C16orf96: variants seen among roughly 807,000 people sequenced by gnomAD.
The protein encoded by C16orf96 is uncharacterized protein C16orf96.
In C16orf96, 108 loss-of-function variants were observed where a neutral mutation model predicts 103.6. That is an observed-to-expected ratio of 1.04 (90% CI 0.89 to 1.22). C16orf96 has a LOEUF of 1.22. Among genes scored for constraint, C16orf96 ranks in the 50% most tolerant of loss-of-function variants. C16orf96 has a pLI of 0.00. For synonymous variants in C16orf96, 566 were observed against 593.5 expected, an observed-to-expected ratio of 0.95 and a Z score of 0.67; for missense variants, 1,586 against 1,464.2, an observed-to-expected ratio of 1.08 and a Z score of -1.36.
At chr16:4,600,029 G>A (rs1897250371) in intron 15 of C16orf96, 71 bp from the exon 16 acceptor site, 1 of 1,361,540 alleles carries the variant, frequency 7.3e-7, no homozygotes, top group Non-Finnish European at 1.0e-6. Flanking sequence ...TAGTGGGGAT[G>A]GCCCCATCAG....
At chr16:4,551,149 A>G in the C16orf96 span, among the ~76,000 whole-genome samples, 11 of 152,136 alleles carry the variant, frequency 7.2e-5, no homozygotes, top group Non-Finnish European at 1.5e-4. Context: ...TTGCACACCT[A>G]TGGTTTTAGC....
chr16:4,565,509 C>T (rs2059377807), intron 1 of C16orf96, among the ~76,000 whole-genome samples: 1 of 152,138 alleles, frequency 6.6e-6, no homozygotes, highest in South Asian at 2.1e-4. Flanking sequence ...ACGCAAGATG[C>T]AGGGAGTCTG....
At chr16:4,549,063 A>G in the C16orf96 span, among the ~76,000 whole-genome samples, 1 of 152,084 alleles carries the variant, frequency 6.6e-6, no homozygotes, top group African/African-American at 2.4e-5. Flanking sequence ...CTTTTAGGCC[A>G]GAGTTAAAAT....
rs746228731 is a variant in C16orf96, at chr16:4,576,206, G to A, written c.1726G>A (p.Ala576Thr). 37 of 1,550,486 alleles carry A rather than the reference G, an allele frequency of 2.4e-5. No individual in the cohort carries two copies. Among genetic ancestry groups the A allele is most frequent in the African/African-American group, 2.1e-4 (15 of 73,050 alleles). Residue 576 changes from alanine (A) to threonine (T), a missense_variant, in exon 5 of 16, where the codon GCA becomes ACA. Ala to Thr is a moderately conservative substitution (Grantham distance 58). Transcript: ENST00000444310. ...CGCTGCCATCGCCGCCGCTGCCGCCGCAGCCTACGCCGCTGCCACATCCTC... is the reference window on the plus strand; with the variant it reads ...CGCTGCCATCGCCGCCGCTGCCGCCACAGCCTACGCCGCTGCCACATCCTC... The part of the protein sequence containing the change: ...TTAAIAAAAA[A>T]AYAAATSSAA...
intron 5 of C16orf96, 48 bp downstream of exon 5, chr16:4,576,683 C>T: frequency 6.7e-7 from 1 of 1,485,022 alleles, no homozygotes; most frequent in East Asian, 2.5e-5. Context: ...TGGGGCTCTC[C>T]CTGCAGCCTT....
At chr16:4,552,821 C>T (rs2059236207), upstream of C16orf96, among the ~76,000 whole-genome samples, 1 of 152,140 alleles carries the variant, frequency 6.6e-6, no homozygotes, top group Non-Finnish European at 1.5e-5. Context: ...CTTGCCAATG[C>T]TTGGTGTTGC....
intron 2 of C16orf96, among the ~76,000 whole-genome samples, chr16:4,573,896 C>G (rs569256594): frequency 1.3e-5 from 2 of 151,840 alleles, no homozygotes; most frequent in African/African-American, 4.8e-5. Context: ...TGCAGTGGCA[C>G]GATCTCAGCT....
At position 4,575,350 on chromosome 16, in the gene C16orf96, G is replaced by T; in HGVS notation, c.870G>T (p.Pro290=). 6.4e-7 allele frequency: 1 copy of T among 1,551,184 alleles called. No individual in the cohort carries two copies. Among genetic ancestry groups the T allele is most frequent in the Non-Finnish European group, 8.7e-7 (1 of 1,146,988 alleles). Residue 290 remains proline (P), a synonymous_variant, in exon 5 of 16, where the codon CCG becomes CCT. Transcript: ENST00000444310. ...VWHYEVPELL[P]EGSSAQAVSL... is the part of the protein sequence containing the mutation. ...ATTATGAGGTCCCAGAGCTCCTCCC[G>T]GAGGGCTCATCTGCCCAAGCAGTTT... is the stretch of plus-strand genomic sequence containing the variant.
rs1236464790 is a variant in C16orf96 at position 4,574,463 on chromosome 16, C to T, written c.526-246C>T. Among the ~76,000 whole-genome samples, 4 of 152,252 alleles carry T rather than the reference C, an allele frequency of 2.6e-5. No homozygotes were observed. In the East Asian group the frequency reaches 7.7e-4, roughly 29 times the overall value. On this transcript the variant is annotated intron_variant, in intron 2 of 15. Coordinates refer to ENST00000444310, the MANE Select transcript of C16orf96 (RefSeq NM_001145011.2). ...TGTCGAACTCCTGACCTCAAGTTAT[C>T]CACCCACCTTGACCTCTCAAAGTGC...
chr16:4,544,412 C>G, the C16orf96 span, among the ~76,000 whole-genome samples: 1 of 152,116 alleles, frequency 6.6e-6, no homozygotes, highest in Non-Finnish European at 1.5e-5. Context: ...TTGAGACCAA[C>G]CTGGGCAACA....
chr16:4,562,829 ATC>A, intron 1 of C16orf96: 1 of 1,327,244 alleles, frequency 7.5e-7, no homozygotes, highest in South Asian at 1.2e-5. Flanking sequence ...TTCTTACTGT[ATC>A]ATCAGTGTCA....
rs1018639251 is a variant in C16orf96 at position 4,594,379 on chromosome 16, C to A, written c.2896C>A (p.Leu966Ile). ...ACAGCAGTGGCTGCAGCTCCAGGAC[C>A]TCGGTATCCAGGAGGATTGTCAGCA... ...REQQWLQLQD[L>I]GIQEDCQQDW... Residue 966 changes from leucine (L) to isoleucine (I), a missense_variant, in exon 13 of 16, where the codon CTC (leucine) becomes ATC (isoleucine). Coordinates refer to ENST00000444310, the MANE Select transcript of C16orf96 (RefSeq NM_001145011.2). 1 of 1,549,422 alleles carries A rather than the reference C, an allele frequency of 6.5e-7. No homozygotes were observed. The highest frequency in any genetic ancestry group is 2.0e-5 in the Admixed American group (1 of 50,928).
In C16orf96 at chr16:4,556,834, C is replaced by T. The variant is rs1033926709; in HGVS notation, c.345C>T (p.Ala115=). The change falls in exon 1 of 16, where the codon GCC becomes GCT. Residue 115 remains alanine, a synonymous_variant. Transcript: ENST00000444310. The part of the protein sequence containing the change: ...AQLLEASQGT[A]RPVQDLWHLI... ...TGCTGGAAGCCAGCCAGGGCACTGCCCGGCCCGTCCAGGACCTGTGGCATC... is the reference window on the plus strand; with the variant it reads ...TGCTGGAAGCCAGCCAGGGCACTGCTCGGCCCGTCCAGGACCTGTGGCATC... The T allele has an allele frequency of 6.4e-6, 10 of 1,551,532 alleles. No individual in the cohort carries two copies. The African/African-American group carries it at 1.2e-4, about 19-fold the overall frequency.
chr16:4,564,894 G>A (rs1440984336), intron 1 of C16orf96, among the ~76,000 whole-genome samples: 5 of 152,228 alleles, frequency 3.3e-5, no homozygotes, highest in Admixed American at 6.5e-5. Context: ...ACACTTTGGG[G>A]TGTTAGAGGA....
chr16:4,595,991 G>A (rs926363597), intron 14 of C16orf96, among the ~76,000 whole-genome samples: 18 of 151,930 alleles, frequency 1.2e-4, no homozygotes, highest in African/African-American at 3.9e-4. Context: ...CTGGCCCACC[G>A]GCAGAAATTC....
intron 1 of C16orf96, among the ~76,000 whole-genome samples, chr16:4,558,259 C>G (rs184731636): frequency 6.0e-4 from 91 of 152,320 alleles, no homozygotes; most frequent in African/African-American, 2.1e-3. Flanking sequence ...GACTGCTGAC[C>G]CCTGCTAACC....
chr16:4,575,544 G>T lies in C16orf96; in HGVS notation c.1064G>T (p.Gly355Val). The change falls in exon 5 of 16, where the codon GGG (glycine) becomes GTG (valine). Residue 355 changes from glycine to valine, a missense_variant. Physicochemically the swap from Gly to Val is moderately radical, Grantham distance 109. Coordinates refer to ENST00000444310, the MANE Select transcript of C16orf96 (RefSeq NM_001145011.2). ...GTGCCTGCCCTGGGGCCTGTCCCAG[G>T]GCCCAGTGTGACACCTGGGTCCTTG... Reference protein sequence around the residue: ...EPVPALGPVPGPSVTPGSLPA... With the variant: ...EPVPALGPVPVPSVTPGSLPA... 6.5e-7 allele frequency: 1 copy of T among 1,539,708 alleles called. No individual in the cohort carries two copies. Among genetic ancestry groups the T allele is most frequent in the Non-Finnish European group, 8.7e-7 (1 of 1,144,024 alleles).
Position 4,556,858 on chromosome 16 carries a change from T to C in C16orf96, c.369T>C (p.His123=), listed in dbSNP as rs17137143. The change falls in exon 1 of 16, where the codon CAT becomes CAC. Residue 123 remains histidine, a synonymous_variant. Coordinates refer to ENST00000444310, the MANE Select transcript of C16orf96 (RefSeq NM_001145011.2). Reference sequence around the variant, plus strand: ...CCCGGCCCGTCCAGGACCTGTGGCATCTGATCAAGCTCCGGAAGATGGTGG... The same window carrying C: ...CCCGGCCCGTCCAGGACCTGTGGCACCTGATCAAGCTCCGGAAGATGGTGG... ...GTARPVQDLW[H]LIKLRKMVEG... 1.1e-3 allele frequency: 1,719 copies of C among 1,551,174 alleles called. 18 individuals carry two copies. In the African/African-American group the frequency reaches 0.021, roughly 19 times the overall value.
intron 1 of C16orf96, among the ~76,000 whole-genome samples, chr16:4,559,545 C>T (rs1037388730): frequency 8.8e-4 from 53 of 60,272 alleles, no homozygotes; most frequent in African/African-American, 2.3e-3. Context: ...AGCAAGACTC[C>T]ATCTCAAAAA....
Sources: allele counts gnomAD v4.1 joint callset (sites outside exome capture counted in the v4.1 genomes callset), GRCh38; gene constraint gnomAD v4.1.1; transcripts MANE v1.5; gene names NCBI Gene and HGNC (gene_info 2026-07-23, HGNC 2026-07-21).